The following DPYD variants were observed in gnomAD, a reference collection of about 807,000 sequenced individuals.
The protein encoded by DPYD is dihydropyrimidine dehydrogenase, also known as dihydropyrimidine dehydrogenase [NADP(+)].
In DPYD, 109 loss-of-function variants were observed where a neutral mutation model predicts 116.2. The observed-to-expected ratio is 0.94, with a 90% CI of 0.80 to 1.10. DPYD has a LOEUF of 1.10. DPYD is among the 50% of genes least tolerant of loss of function. The pLI is 0.00. For synonymous variants in DPYD, 440 were observed against 432.0 expected (o/e 1.02, Z -0.23); for missense variants, 1,302 against 1,254.5 (o/e 1.04, Z -0.57).
intron 12 of DPYD, among the ~76,000 whole-genome samples, chr1:97,523,046 T>C (rs1002348288): frequency 1.3e-5 from 2 of 152,136 alleles, no homozygotes; most frequent in Non-Finnish European, 2.9e-5. Flanking sequence ...CCTCCCTCCC[T>C]TCCCATTGTA....
intron 18 of DPYD, among the ~76,000 whole-genome samples, chr1:97,274,978 T>C (rs1339345169): frequency 2.0e-5 from 3 of 151,578 alleles, no homozygotes; most frequent in African/African-American, 7.3e-5. Flanking sequence ...GTTTGGGGAG[T>C]GTAAGGAAAA....
intron 2 of DPYD, among the ~76,000 whole-genome samples, chr1:97,871,979 A>C (rs1409224366): frequency 1.3e-5 from 2 of 151,908 alleles, no homozygotes; most frequent in African/African-American, 4.8e-5. Context: ...TATCAGGTAG[A>C]TATTATTCTC....
intron 20 of DPYD, among the ~76,000 whole-genome samples, chr1:97,113,675 CAG>C (rs1651764588): frequency 6.6e-6 from 1 of 152,002 alleles, no homozygotes; most frequent in Admixed American, 6.6e-5. Flanking sequence ...ACTACCAAAA[CAG>C]TGAATAATTT....
At chr1:97,738,362 T>C (rs1466675508) in intron 4 of DPYD, among the ~76,000 whole-genome samples, 1 of 152,136 alleles carries the variant, frequency 6.6e-6, no homozygotes, top group Non-Finnish European at 1.5e-5. Context: ...AGTGTACCTT[T>C]CAAAACTAGA....
At chr1:97,099,437 C>T (rs776865620) in intron 20 of DPYD, among the ~76,000 whole-genome samples, 2 of 152,032 alleles carry the variant, frequency 1.3e-5, no homozygotes, top group Admixed American at 6.6e-5. Context: ...CAAGTTAACA[C>T]GAAAATGCCC....
intron 18 of DPYD, among the ~76,000 whole-genome samples, chr1:97,239,925 T>C (rs1662213571): frequency 6.6e-6 from 1 of 152,074 alleles, no homozygotes; most frequent in Non-Finnish European, 1.5e-5. Flanking sequence ...TGTAGAAGTG[T>C]TTGCTGTTAT....
chr1:97,536,609 A>G (rs2102040619), intron 12 of DPYD, among the ~76,000 whole-genome samples: 1 of 152,366 alleles, frequency 6.6e-6, no homozygotes, highest in African/African-American at 2.4e-5. Flanking sequence ...AAGTGCAAGA[A>G]CACTGCAGCT....
chr1:97,844,664 C>T (rs1437914407), intron 2 of DPYD, among the ~76,000 whole-genome samples: 1 of 152,180 alleles, frequency 6.6e-6, no homozygotes, highest in Non-Finnish European at 1.5e-5. Flanking sequence ...CTACACCCTC[C>T]ATAGGGCCAG....
chr1:97,910,065 C>G (rs898601899), intron 1 of DPYD, among the ~76,000 whole-genome samples: 2 of 152,102 alleles, frequency 1.3e-5, no homozygotes, highest in African/African-American at 2.4e-5. Context: ...GTCACCTCTA[C>G]AGGGAGGCCT....
At chr1:97,836,985 GA>G (rs1383826785) in intron 2 of DPYD, among the ~76,000 whole-genome samples, 3 of 152,024 alleles carry the variant, frequency 2.0e-5, no homozygotes, top group Non-Finnish European at 2.9e-5. Context: ...AATACATGAG[GA>G]AAGATTAATA....
At chr1:97,343,553 C>T (rs1669691006) in intron 16 of DPYD, among the ~76,000 whole-genome samples, 1 of 151,968 alleles carries the variant, frequency 6.6e-6, no homozygotes. Flanking sequence ...TGTTTTGTTG[C>T]TTCTATAGCA....
intron 21 of DPYD, among the ~76,000 whole-genome samples, chr1:97,096,973 GA>G (rs1205636968): frequency 1.3e-5 from 2 of 152,112 alleles, no homozygotes; most frequent in African/African-American, 4.8e-5. Context: ...CCCTGGGCAG[GA>G]ACCAATTCCA....
intron 16 of DPYD, among the ~76,000 whole-genome samples, chr1:97,317,854 T>C (rs922332301): frequency 6.6e-6 from 1 of 151,972 alleles, no homozygotes; most frequent in Non-Finnish European, 1.5e-5. Context: ...AAATAACCTA[T>C]CAGAGAAAAA....
intron 4 of DPYD, among the ~76,000 whole-genome samples, chr1:97,722,841 T>C (rs1662999935): frequency 1.3e-5 from 2 of 151,502 alleles, no homozygotes; most frequent in African/African-American, 4.8e-5. Flanking sequence ...TGTTATCATC[T>C]CTCACTATAT....
At position 97,505,389 on chromosome 1, in the gene DPYD, T is replaced by G. The variant is rs1246625001; in HGVS notation, c.1740+10337A>C. Among the ~76,000 whole-genome samples, 5 of 151,938 alleles carry G rather than the reference T, an allele frequency of 3.3e-5. 1 individual carries two copies. The highest frequency in any genetic ancestry group is 3.4e-3 in the Middle Eastern group (1 of 294). ...CATATGCTCGGTTCTCTCATGACCG[T>G]GACTATCCGTGTGCTATCCCTTCTC... On this transcript the variant is annotated intron_variant, in intron 13 of 22. Transcript: ENST00000370192.
At chr1:97,226,963 A>G (rs919423250) in intron 19 of DPYD, among the ~76,000 whole-genome samples, 3 of 152,136 alleles carry the variant, frequency 2.0e-5, no homozygotes, top group Non-Finnish European at 4.4e-5. Context: ...ATAGAAATAA[A>G]CAGTGCCACG....
intron 16 of DPYD, among the ~76,000 whole-genome samples, chr1:97,333,604 T>C (rs1024960445): frequency 3.4e-5 from 5 of 146,048 alleles, no homozygotes; most frequent in Non-Finnish European, 6.0e-5. Flanking sequence ...CACTGCAATC[T>C]CCGCCTCCCA....
At chr1:97,180,316 C>T (rs746283793) in intron 20 of DPYD, among the ~76,000 whole-genome samples, 1 of 152,030 alleles carries the variant, frequency 6.6e-6, no homozygotes, top group Non-Finnish European at 1.5e-5. Context: ...CTAATATTCC[C>T]TTTATTCAAG....
chr1:97,844,744 G>A (rs1410610508), intron 2 of DPYD, among the ~76,000 whole-genome samples: 4 of 152,156 alleles, frequency 2.6e-5, no homozygotes, highest in Non-Finnish European at 5.9e-5. Flanking sequence ...GCCCTCTTGG[G>A]TGCGGCTGCA....
Sources: gnomAD v4.1 joint callset for allele counts (sites outside exome capture counted in the v4.1 genomes callset) on GRCh38, gnomAD v4.1.1 for gene constraint, MANE v1.5 for transcripts, NCBI Gene and HGNC (gene_info 2026-07-23, HGNC 2026-07-21) for gene names.